The following GOT1 variants were observed in gnomAD, a reference collection of about 807,000 sequenced individuals.
The protein encoded by GOT1 is glutamic-oxaloacetic transaminase 1.
GOT1 carries 25 observed loss-of-function variants against 48.2 expected under a neutral mutation model. The observed-to-expected ratio is 0.52, with a 90% CI of 0.38 to 0.72. GOT1 has a LOEUF of 0.72. Among genes scored for constraint, GOT1 ranks in the 30% least tolerant of loss-of-function variants. The probability of loss-of-function intolerance (pLI) is 0.00; values close to 1 mark genes in which losing one functional copy is unlikely to be tolerated. For missense variants in GOT1, 380 were observed against 520.1 expected, an observed-to-expected ratio of 0.73 and a Z score of 2.62; for synonymous variants, 188 against 193.8, an observed-to-expected ratio of 0.97 and a Z score of 0.25.
intron 2 of GOT1, among the ~76,000 whole-genome samples, chr10:99,412,766 G>A (rs1014458205): frequency 1.3e-5 from 2 of 152,140 alleles, no homozygotes; most frequent in African/African-American, 4.8e-5. Context: ...GGAACGATCA[G>A]GCAGCAACAT....
At chr10:99,410,062 C>T (rs1348377395) in intron 2 of GOT1, among the ~76,000 whole-genome samples, 7 of 152,186 alleles carry the variant, frequency 4.6e-5, no homozygotes, top group Non-Finnish European at 1.5e-5. Context: ...TGAAAATGCT[C>T]AGTGTGTGTC....
At position 99,397,560 on chromosome 10, in the gene GOT1, G is replaced by A. The variant is rs2032617052; in HGVS notation, c.1229C>T (p.Thr410Ile). 1.2e-6 allele frequency: 2 copies of A among 1,613,868 alleles called. No individual in the cohort carries two copies. Among genetic ancestry groups the A allele is most frequent in the African/African-American group, 2.7e-5 (2 of 74,884 alleles). Residue 410 changes from threonine to isoleucine, a missense_variant, in exon 9 of 9, where the codon ACC becomes ATC. Physicochemically the swap from Thr to Ile is moderately conservative, Grantham distance 89. Transcript: ENST00000370508. This position sits in a 1 kb window ranked among gnomAD's most constrained non-coding sequence, Gnocchi z 5.4. ...GGTGGTGTTTCTTCACTGGATTTTG[G>A]TGACTGCTTCATGGATGGAGGTGGC... ...YVATSIHEAV[T>I]KIQ
Position 99,403,451 on chromosome 10 carries a change from A to C in GOT1, c.959+18T>G, listed in dbSNP as rs754751721. On this transcript the variant is annotated intron_variant, in intron 7 of 8. Transcript: ENST00000370508. ...TGCACTCCCCACCCCCCGGCCCACCAGACTGGGAGCCCCTTACCATTCCTC... is the reference window on the plus strand; with the variant it reads ...TGCACTCCCCACCCCCCGGCCCACCCGACTGGGAGCCCCTTACCATTCCTC... The C allele has an allele frequency of 1.9e-6, 3 of 1,599,870 alleles. No individual in the cohort carries two copies. In the East Asian group the frequency reaches 6.7e-5, roughly 36 times the overall value.
chr10:99,406,846 C>CT lies in GOT1; in HGVS notation c.303dup (p.Gly102ArgfsTer17). The CT allele has an allele frequency of 3.7e-6, 6 of 1,613,876 alleles. No individual in the cohort carries two copies. The highest frequency in any genetic ancestry group is 5.1e-6 in the Non-Finnish European group (6 of 1,179,784). On this transcript the variant is annotated frameshift_variant, in exon 3 of 9. Coordinates refer to ENST00000370508, the MANE Select transcript of GOT1 (RefSeq NM_002079.3). LOFTEE classifies it high-confidence loss of function. ...GTTCCCCCCAAAGATTGCACACCTC[C>CT]TACCTGAAAGAGAAGAAACAGGGTC...
chr10:99,398,400 T>C (rs904250920), intron 8 of GOT1, among the ~76,000 whole-genome samples: 2 of 152,218 alleles, frequency 1.3e-5, no homozygotes, highest in African/African-American at 4.8e-5. Context: ...CTGGGCACAG[T>C]GGTTCACGCC....
intron 3 of GOT1, 147 bp downstream of exon 3, chr10:99,406,579 C>A: frequency 1.4e-6 from 1 of 707,442 alleles, no homozygotes; most frequent in Non-Finnish European, 2.4e-6. Context: ...GCAGGTTTCT[C>A]ATGCACTGCC....
chr10:99,403,900 G>A (rs755125968), intron 5 of GOT1, 26 bp from the exon 6 acceptor site: 4 of 1,612,028 alleles, frequency 2.5e-6, no homozygotes, highest in African/African-American at 1.3e-5. Flanking sequence ...GTGAGTCAGG[G>A]CAGGAAATCC....
intron 4 of GOT1, 77 bp from the exon 5 acceptor site, chr10:99,405,937 T>C (rs2134098562): frequency 1.1e-6 from 1 of 892,538 alleles, no homozygotes. Flanking sequence ...GATTGGTCAG[T>C]GATGGAGGGC....
chr10:99,430,279 G>C, intron 1 of GOT1, 169 bp downstream of exon 1: 1 of 1,553,904 alleles, frequency 6.4e-7, no homozygotes, highest in East Asian at 2.4e-5. Flanking sequence ...ACCTGCATCT[G>C]TAAAATGGGC....
chr10:99,398,604 G>A (rs1245139281), intron 8 of GOT1, among the ~76,000 whole-genome samples: 2 of 151,816 alleles, frequency 1.3e-5, no homozygotes, highest in Non-Finnish European at 2.9e-5. Context: ...CCAAGAGGAG[G>A]AAGTTGCAGT....
rs1380337425 is a variant in GOT1, at chr10:99,405,764, C to T, written c.634G>A (p.Val212Ile). Residue 212 changes from valine (V) to isoleucine (I), a missense_variant, in exon 5 of 9, where the codon GTC becomes ATC. Physicochemically the swap from Val to Ile is conservative, Grantham distance 29. Transcript: ENST00000370508. ...TPEQWKQIASVMKHRFLFPFF... is the reference protein window; with the variant it reads ...TPEQWKQIASIMKHRFLFPFF... The stretch of plus-strand genomic sequence containing the variant: ...TCTGAAGGGGCAGTTACCTTCATGA[C>T]AGAAGCAATCTGCTTCCACTGCTCC... The T allele has an allele frequency of 1.3e-6, 2 of 1,543,528 alleles. No individual in the cohort carries two copies. Among genetic ancestry groups the T allele is most frequent in the Non-Finnish European group, 1.8e-6 (2 of 1,115,504 alleles).
intron 2 of GOT1, among the ~76,000 whole-genome samples, chr10:99,407,280 T>C (rs2032773039): frequency 6.6e-6 from 1 of 152,190 alleles, no homozygotes; most frequent in African/African-American, 2.4e-5. Context: ...CCCTCTAGCA[T>C]AAGCCTCTAA....
At chr10:99,429,820 C>A (rs1235055514) in intron 1 of GOT1, among the ~76,000 whole-genome samples, 1 of 152,178 alleles carries the variant, frequency 6.6e-6, no homozygotes, top group Non-Finnish European at 1.5e-5. Flanking sequence ...CCACTCCTTT[C>A]CACCATCTCT....
intron 2 of GOT1, among the ~76,000 whole-genome samples, chr10:99,418,832 T>C (rs1469998650): frequency 3.3e-5 from 5 of 152,188 alleles, no homozygotes; most frequent in African/African-American, 1.2e-4. Context: ...TCATTAGGAT[T>C]CTCCTCTACC....
chr10:99,413,093 T>C (rs2032848362), intron 2 of GOT1, among the ~76,000 whole-genome samples: 1 of 152,220 alleles, frequency 6.6e-6, no homozygotes, highest in African/African-American at 2.4e-5. Flanking sequence ...GGATGGAGAA[T>C]GACTTTGACG....
intron 2 of GOT1, among the ~76,000 whole-genome samples, chr10:99,416,312 A>G (rs977994171): frequency 4.4e-5 from 6 of 135,852 alleles, no homozygotes; most frequent in Non-Finnish European, 1.1e-4. Flanking sequence ...ACAAATAGAG[A>G]GCCAAATCAT....
intron 5 of GOT1, among the ~76,000 whole-genome samples, chr10:99,404,756 G>A (rs993286722): frequency 6.6e-6 from 1 of 152,092 alleles, no homozygotes; most frequent in Non-Finnish European, 1.5e-5. Flanking sequence ...GCACTGCCCT[G>A]AGAATAAAGT....
intron 2 of GOT1, among the ~76,000 whole-genome samples, chr10:99,413,539 T>C (rs990817191): frequency 1.3e-5 from 2 of 152,180 alleles, no homozygotes; most frequent in African/African-American, 4.8e-5. Flanking sequence ...CAGGAGAAGT[T>C]CCCCAACCTA....
At chr10:99,400,052 T>G (rs1427657573) in intron 8 of GOT1, among the ~76,000 whole-genome samples, 1 of 152,224 alleles carries the variant, frequency 6.6e-6, no homozygotes, top group African/African-American at 2.4e-5. Flanking sequence ...TTGGTTTTGT[T>G]TTAGTAAAAA....
Sources: gnomAD v4.1 joint callset for allele counts (sites outside exome capture counted in the v4.1 genomes callset) on GRCh38, gnomAD v4.1.1 for gene constraint, Gnocchi (gnomAD v3.1) non-coding constraint, MANE v1.5 for transcripts, NCBI Gene and HGNC (gene_info 2026-07-23, HGNC 2026-07-21) for gene names.